AVEN: variants seen among roughly 807,000 people sequenced by gnomAD.
AVEN encodes the protein cell death regulator Aven.
A neutral mutation model predicts 38.1 loss-of-function variants in AVEN; 41 were observed. The observed-to-expected ratio is 1.08, with a 90% CI of 0.84 to 1.40. AVEN has a LOEUF of 1.40. Ranked by LOEUF, AVEN falls within the 40% of genes most tolerant of loss-of-function variation. The pLI is 0.00. For synonymous variants in AVEN, 206 were observed against 171.8 expected (o/e 1.20, Z -1.56); for missense variants, 605 against 438.8 (o/e 1.38, Z -3.38).
rs1168334532 is a variant in AVEN at position 33,908,263 on chromosome 15, C to G, written c.446-32268G>C. On this transcript the variant is annotated intron_variant, in intron 2 of 5. Transcript: ENST00000306730. ...ACACATAACCAGGATTCTTTTACTT[C>G]GAAAGCTGAATTGCTAATTCCAAAG... is the stretch of plus-strand genomic sequence containing the variant. 2.9e-5 allele frequency among the ~76,000 whole-genome samples: 3 copies of G among 103,700 alleles called. 1 individual carries two copies. Among genetic ancestry groups the G allele is most frequent in the African/African-American group, 8.3e-5 (3 of 36,176 alleles). The allele number at this position is 103,700 out of a possible 152,430, so 68.0% of individuals were successfully genotyped here.
rs114793633 is a variant in AVEN, at chr15:34,049,255, C to T, written n.1637+13667G>A. On this transcript the variant is annotated intron_variant and non_coding_transcript_variant, in intron 5 of 11. Transcript: ENST00000675287. The stretch of plus-strand genomic sequence containing the variant: ...TCTGAAAGTGGGTAATAACAAACTT[C>T]ACTGAGCTAAAGGACCATGTTGTAA... 5.9e-3 allele frequency among the ~76,000 whole-genome samples: 894 copies of T among 152,292 alleles called. 12 individuals are homozygous for T. Among genetic ancestry groups the T allele is most frequent in the African/African-American group, 0.021 (867 of 41,560 alleles).
intron 2 of AVEN, among the ~76,000 whole-genome samples, chr15:33,905,651 C>G (rs1331896783): frequency 6.6e-6 from 1 of 152,014 alleles, no homozygotes; most frequent in Non-Finnish European, 1.5e-5. Flanking sequence ...TGGCGAAACC[C>G]CTTCTCTACA....
At chr15:33,857,064 C>T (rs112206651), downstream of AVEN, among the ~76,000 whole-genome samples, 128 of 152,306 alleles carry the variant, frequency 8.4e-4, no homozygotes, top group Non-Finnish European at 1.5e-3. Context: ...TCCCTCCTCA[C>T]AGCACCTGCA....
At chr15:33,932,701 T>C (rs1267149908) in intron 2 of AVEN, among the ~76,000 whole-genome samples, 5 of 152,060 alleles carry the variant, frequency 3.3e-5, no homozygotes. Context: ...GGCCGGCGCC[T>C]GTAATCCCAG....
chr15:33,921,871 G>C (rs1488295383), intron 2 of AVEN, among the ~76,000 whole-genome samples: 1 of 152,170 alleles, frequency 6.6e-6, no homozygotes, highest in Admixed American at 6.5e-5. Flanking sequence ...GCTGGAGGGA[G>C]AGATTGGGAA....
chr15:34,061,069 G>A (rs1900321528), intron 5 of AVEN, among the ~76,000 whole-genome samples: 1 of 151,604 alleles, frequency 6.6e-6, no homozygotes, highest in South Asian at 2.1e-4. Context: ...ATCATGTCAA[G>A]GTGGTGTTTG....
chr15:33,860,930 ATGTATGGCACTACTG>A, intron 11 of AVEN: 2 of 563,914 alleles, frequency 3.5e-6, no homozygotes, highest in South Asian at 2.6e-5. Flanking sequence ...CTAATAGCCA[ATGTATGGCACTACTG>A]AGTGAATGAC....
chr15:34,029,601 C>T (rs987675624), intron 1 of AVEN, among the ~76,000 whole-genome samples: 6 of 150,950 alleles, frequency 4.0e-5, no homozygotes, highest in Non-Finnish European at 5.9e-5. Context: ...GTACTACTGA[C>T]TTTAAAAAGA....
intron 2 of AVEN, among the ~76,000 whole-genome samples, chr15:33,915,636 C>A (rs960547717): frequency 6.6e-6 from 1 of 152,138 alleles, no homozygotes; most frequent in African/African-American, 2.4e-5. Flanking sequence ...AGCTTTGTAA[C>A]AATTTCGATA....
intron 1 of AVEN, among the ~76,000 whole-genome samples, chr15:34,038,493 GC>G (rs928527648): frequency 1.3e-5 from 2 of 152,102 alleles, no homozygotes; most frequent in East Asian, 3.9e-4. Flanking sequence ...CACGGCCTTG[GC>G]CTCTGGGTTC....
the AVEN span, chr15:33,852,343 T>G: frequency 6.6e-6 from 1 of 152,056 alleles, no homozygotes; most frequent in Non-Finnish European, 1.5e-5. Context: ...TTTCTTAACT[T>G]TAACAGTAAG....
chr15:33,952,871 A>AC (rs1292998386), intron 2 of AVEN, among the ~76,000 whole-genome samples: 9 of 152,048 alleles, frequency 5.9e-5, no homozygotes, highest in African/African-American at 1.9e-4. Context: ...AAAAAAAAAA[A>AC]AACACTTCAT....
At chr15:33,862,257 G>C (rs953291037), downstream of AVEN, among the ~76,000 whole-genome samples, 2 of 152,184 alleles carry the variant, frequency 1.3e-5, no homozygotes, top group South Asian at 2.1e-4. Context: ...CCGTTGCCCA[G>C]GCTCGAGTGC....
chr15:33,936,615 T>C (rs1427886616), intron 2 of AVEN, among the ~76,000 whole-genome samples: 1 of 152,152 alleles, frequency 6.6e-6, no homozygotes, highest in Admixed American at 6.5e-5. Flanking sequence ...ATTTGGGGAC[T>C]TTTGTCTTGT....
At chr15:33,853,028 T>C in the AVEN span, 1 of 1,600,218 alleles carries the variant, frequency 6.2e-7, no homozygotes, top group East Asian at 2.2e-5. Flanking sequence ...ACCAACCTTT[T>C]TCGTTTTGTT....
At chr15:33,870,316 C>T (rs1890886869) in intron 4 of AVEN, among the ~76,000 whole-genome samples, 1 of 152,198 alleles carries the variant, frequency 6.6e-6, no homozygotes, top group African/African-American at 2.4e-5. Flanking sequence ...CCCACACATG[C>T]ACTCCAATCC....
At chr15:33,950,205 G>C (rs1894683703) in intron 2 of AVEN, among the ~76,000 whole-genome samples, 1 of 152,196 alleles carries the variant, frequency 6.6e-6, no homozygotes, top group Non-Finnish European at 1.5e-5. Context: ...CCAGAGGCTG[G>C]AGTGTGAGGG....
At chr15:33,907,852 G>A (rs1299082064) in intron 2 of AVEN, among the ~76,000 whole-genome samples, 1 of 148,160 alleles carries the variant, frequency 6.7e-6, no homozygotes, top group South Asian at 2.1e-4. Flanking sequence ...AGTGCTAGAA[G>A]AAAAAAATGG....
intron 2 of AVEN, among the ~76,000 whole-genome samples, chr15:33,891,357 T>C (rs867640071): frequency 6.6e-6 from 1 of 152,158 alleles, no homozygotes; most frequent in Non-Finnish European, 1.5e-5. Flanking sequence ...ACATTAGGTA[T>C]TTCTCCTAAT....
Sources: gnomAD v4.1 joint callset for allele counts (sites outside exome capture counted in the v4.1 genomes callset) on GRCh38, gnomAD v4.1.1 for gene constraint, MANE v1.5 for transcripts, NCBI Gene and HGNC (gene_info 2026-07-23, HGNC 2026-07-21) for gene names.